Variants in PSG3 observed in about 807,000 individuals in gnomAD.
The protein encoded by PSG3 is pregnancy specific beta-1-glycoprotein 3.
In PSG3, 61 loss-of-function variants were observed where a neutral mutation model predicts 47.5. The ratio of observed to expected loss-of-function variants is 1.28; its 90% CI spans 1.05 to 1.59. PSG3 has a LOEUF of 1.59. Ranked by LOEUF, PSG3 falls within the 40% of genes most tolerant of loss-of-function variation. The pLI, the probability that PSG3 is intolerant of heterozygous loss-of-function variation, is 0.00. For synonymous variants in PSG3, 263 were observed against 198.4 expected (o/e 1.33, Z -2.74); for missense variants, 756 against 524.0 (o/e 1.44, Z -4.32).
rs760433418 is a variant in PSG3 at position 42,740,335 on chromosome 19, C to T, written c.50G>A (p.Gly17Glu). ...PPCTQRITWKGLLLTALLLNF... is the reference protein window; with the variant it reads ...PPCTQRITWKELLLTALLLNF... ...TCTCTCCTCACCTGTGAGCAGGAGC[C>T]CCTTCCAGGTGATGCGCTGTGTGCA... The change falls in exon 1 of 7, where the codon GGG becomes GAG. Residue 17 changes from glycine (G) to glutamate (E), a missense_variant. Transcript: ENST00000327495. 6.2e-7 allele frequency: 1 copy of T among 1,613,956 alleles called. No homozygotes were observed. The highest frequency in any genetic ancestry group is 2.2e-5 in the East Asian group (1 of 44,872).
Position 42,723,289 on chromosome 19 carries a change from A to G in PSG3, c.*40+653T>C, listed in dbSNP as rs992343150. 2.0e-5 allele frequency among the ~76,000 whole-genome samples: 3 copies of G among 152,214 alleles called. No individual in the cohort carries two copies. The South Asian group carries it at 6.2e-4, about 32-fold the overall frequency. Reference sequence around the variant, plus strand: ...AAGGGTGTGGTTAAGTCTGCAGTGCAGATGGTAGAGGGGATTTCACTCTGT... The same window carrying G: ...AAGGGTGTGGTTAAGTCTGCAGTGCGGATGGTAGAGGGGATTTCACTCTGT... On this transcript the variant is annotated intron_variant, in intron 6 of 6. Transcript: ENST00000327495.
At chr19:42,725,890 C>CA (rs200684147) in intron 5 of PSG3, among the ~76,000 whole-genome samples, 8,163 of 67,906 alleles carry the variant, frequency 0.12, 331 homozygotes, top group Non-Finnish European at 0.14. Context: ...CAACAACAAC[C>CA]AAAAAAAAAA....
intron 2 of PSG3, chr19:42,734,152 T>C (rs1213850639): frequency 1.3e-5 from 2 of 152,240 alleles, no homozygotes; most frequent in Non-Finnish European, 2.9e-5. Context: ...GTTTCAGTTA[T>C]GCAGGATGAG....
At chr19:42,726,276 A>G (rs1969376751) in intron 5 of PSG3, among the ~76,000 whole-genome samples, 1 of 152,194 alleles carries the variant, frequency 6.6e-6, no homozygotes, top group Non-Finnish European at 1.5e-5. Flanking sequence ...TCAACATAGT[A>G]TTGAAAGGTC....
intron 6 of PSG3, among the ~76,000 whole-genome samples, chr19:42,722,436 A>G (rs1969313490): frequency 6.6e-6 from 1 of 152,208 alleles, no homozygotes; most frequent in East Asian, 1.9e-4. Flanking sequence ...TTGCATTTTT[A>G]GTAGAGATGG....
In PSG3 at chr19:42,724,010, C is replaced by G. The variant is rs1969336410; in HGVS notation, c.1259G>C (p.Gly420Ala). The change falls in exon 6 of 7, where the codon GGA (glycine) becomes GCA (alanine). Residue 420 changes from glycine (G) to alanine (A), a missense_variant. Physicochemically the swap from Gly to Ala is moderately conservative, Grantham distance 60 (BLOSUM62 0). Coordinates refer to ENST00000327495, the MANE Select transcript of PSG3 (RefSeq NM_021016.4). ...TVKVSAPSGT[G>A]HLPGLNPL ...TAATGGATTAAGGCCAGGAAGATGTCCTGTTCCTGAAGGAGCTGTCATGGA... is the reference window on the plus strand; with the variant it reads ...TAATGGATTAAGGCCAGGAAGATGTGCTGTTCCTGAAGGAGCTGTCATGGA... 1.9e-6 allele frequency: 3 copies of G among 1,611,830 alleles called. No homozygotes were observed. The African/African-American group carries it at 4.0e-5, about 22-fold the overall frequency.
chr19:42,732,664 G>C (rs1368756222), intron 3 of PSG3, 120 bp downstream of exon 3: 56 of 1,609,820 alleles, frequency 3.5e-5, no homozygotes, highest in Non-Finnish European at 4.3e-5. Flanking sequence ...TCATGGCCAG[G>C]TTTGATGTCC....
chr19:42,730,809 C>A (rs954706506), intron 3 of PSG3, among the ~76,000 whole-genome samples: 103 of 152,330 alleles, frequency 6.8e-4, no homozygotes, highest in African/African-American at 2.3e-3. Context: ...TAAGTTTCCT[C>A]TCCTTCTGCA....
intron 3 of PSG3, among the ~76,000 whole-genome samples, chr19:42,731,655 GC>G (rs1359118254): frequency 1.8e-4 from 27 of 151,696 alleles, no homozygotes; most frequent in Non-Finnish European, 3.8e-4. Flanking sequence ...TTCTAATTCT[GC>G]AAAAAATGTT....
chr19:42,733,362 A>G lies in PSG3; in HGVS notation c.431-300T>C, dbSNP rs11879201. 556 of 433,026 alleles carry G rather than the reference A, an allele frequency of 1.3e-3. 7 individuals carry two copies. Among genetic ancestry groups the G allele is most frequent in the East Asian group, 0.011 (259 of 23,808 alleles). 26.8% of individuals were successfully genotyped at this position (433,026 alleles called of 1,614,324 possible). On this transcript the variant is annotated intron_variant, in intron 2 of 6. Coordinates refer to ENST00000327495, the MANE Select transcript of PSG3 (RefSeq NM_021016.4). ...CCCTGGTGCCTCTCTGAGTCCCTCCATCTCGAAGTGCCTGCCTGGCCCACC... is the reference window on the plus strand; with the variant it reads ...CCCTGGTGCCTCTCTGAGTCCCTCCGTCTCGAAGTGCCTGCCTGGCCCACC...
intron 6 of PSG3, 91 bp from the exon 7 acceptor site, chr19:42,722,181 T>A: frequency 2.5e-6 from 1 of 401,618 alleles, no homozygotes; most frequent in Middle Eastern, 3.6e-4. Flanking sequence ...TCTAGTTACT[T>A]CTGTGGCATA....
rs1044599125 is a variant in PSG3, at chr19:42,739,042, T to C, written c.112A>G (p.Ile38Val). The C allele has an allele frequency of 6.2e-7, 1 of 1,613,100 alleles. No homozygotes were observed. The highest frequency in any genetic ancestry group is 1.3e-5 in the African/African-American group (1 of 74,808). ...GAAACTTTGGTTGGCTCGGCTTCAATCGTGACTTGGGCAGTGGTAGGCAAG... is the reference window on the plus strand; with the variant it reads ...GAAACTTTGGTTGGCTCGGCTTCAACCGTGACTTGGGCAGTGGTAGGCAAG... Reference protein sequence around the residue: ...WNLPTTAQVTIEAEPTKVSKG... With the variant: ...WNLPTTAQVTVEAEPTKVSKG... The change falls in exon 2 of 7, where the codon ATT (isoleucine) becomes GTT (valine). Residue 38 changes from isoleucine to valine, a missense_variant. Physicochemically the swap from Ile to Val is conservative, Grantham distance 29. Transcript: ENST00000327495.
intron 2 of PSG3, among the ~76,000 whole-genome samples, chr19:42,735,706 G>C (rs998951005): frequency 1.3e-5 from 2 of 152,200 alleles, no homozygotes; most frequent in African/African-American, 4.8e-5. Flanking sequence ...AGTTTGTTCA[G>C]CTTTTTACTT....
chr19:42,725,618 G>C (rs1253871970), intron 5 of PSG3, among the ~76,000 whole-genome samples: 2 of 152,092 alleles, frequency 1.3e-5, no homozygotes, highest in South Asian at 4.1e-4. Context: ...CTAGCACTTT[G>C]GGAAGTCACA....
chr19:42,733,441 A>C (rs1252312506), intron 2 of PSG3: 1 of 228,538 alleles, frequency 4.4e-6, no homozygotes, highest in Non-Finnish European at 8.6e-6. Context: ...TTTCAGTCTT[A>C]CTTTGCCGCC....
At chr19:42,739,255 T>C in intron 1 of PSG3, 166 bp from the exon 2 acceptor site, 1 of 1,209,786 alleles carries the variant, frequency 8.3e-7, no homozygotes, top group Non-Finnish European at 1.1e-6. Flanking sequence ...GTATATGTGT[T>C]TGTGTCCTAC....
chr19:42,739,215 A>AAC (rs577524594), intron 1 of PSG3, 126 bp from the exon 2 acceptor site: 520 of 1,301,426 alleles, frequency 4.0e-4, no homozygotes, highest in Middle Eastern at 5.3e-4. Context: ...CACACATACA[A>AAC]ACACACACAC....
chr19:42,739,297 C>G lies in PSG3; in HGVS notation c.65-208G>C, dbSNP rs777318193. 6 of 907,056 alleles carry G rather than the reference C, an allele frequency of 6.6e-6. No homozygotes were observed. In the African/African-American group the frequency reaches 6.9e-5, roughly 10 times the overall value. 56.2% of individuals were successfully genotyped at this position (907,056 alleles called of 1,614,324 possible). On this transcript the variant is annotated intron_variant, in intron 1 of 6. Coordinates refer to ENST00000327495, the MANE Select transcript of PSG3 (RefSeq NM_021016.4). ...ACTAGGTGAAGGTCAGCAACATGAC[C>G]CCCATTCCTTCAACACTTCTGACCT...
chr19:42,738,875 A>G lies in PSG3; in HGVS notation c.279T>C (p.Pro93=). The G allele has an allele frequency of 1.2e-6, 2 of 1,614,134 alleles. No individual in the cohort carries two copies. Among genetic ancestry groups the G allele is most frequent in the Middle Eastern group, 3.3e-4 (2 of 6,060 alleles). The change falls in exon 2 of 7, where the codon CCT becomes CCC. Residue 93 remains proline, a synonymous_variant. Transcript: ENST00000327495. ...ATACTGTTTCTCGTCCACTGTATGC[A>G]GGCCCATATATAATTATTTGACCAT... The part of the protein sequence containing the change: ...VVDGQIIIYG[P]AYSGRETVYS...
Sources: allele counts gnomAD v4.1 joint callset (sites outside exome capture counted in the v4.1 genomes callset), GRCh38; gene constraint gnomAD v4.1.1; transcripts MANE v1.5; gene names NCBI Gene and HGNC (gene_info 2026-07-23, HGNC 2026-07-21).